Variants in EYA3 observed in about 807,000 individuals in gnomAD.
The protein encoded by EYA3 is EYA transcriptional coactivator and phosphatase 3, also known as protein phosphatase EYA3.
In EYA3, 39 loss-of-function variants were observed where a neutral mutation model predicts 80.0. The observed-to-expected ratio is 0.49, with a 90% CI of 0.38 to 0.64. The LOEUF (loss-of-function observed/expected upper bound fraction) is 0.64. Ranked by LOEUF, EYA3 falls within the 30% of genes least tolerant of loss-of-function variation. The probability of loss-of-function intolerance (pLI) is 0.00; values close to 1 mark genes in which losing one functional copy is unlikely to be tolerated. For missense variants in EYA3, 523 were observed against 676.1 expected, an observed-to-expected ratio of 0.77 and a Z score of 2.51; for synonymous variants, 206 against 232.8, an observed-to-expected ratio of 0.88 and a Z score of 1.05.
At chr1:28,003,759 C>T (rs1641067471) in intron 11 of EYA3, among the ~76,000 whole-genome samples, 1 of 151,998 alleles carries the variant, frequency 6.6e-6, no homozygotes, top group Non-Finnish European at 1.5e-5. Flanking sequence ...AAAACATGAG[C>T]TTGGAGGTAA....
chr1:28,071,570 TAACTC>T (rs1011151181), intron 1 of EYA3, among the ~76,000 whole-genome samples: 2 of 152,242 alleles, frequency 1.3e-5, no homozygotes, highest in African/African-American at 4.8e-5. Flanking sequence ...GTGACTTTTC[TAACTC>T]AACAATTACT....
At chr1:28,011,240 A>G (rs1428060356) in intron 9 of EYA3, among the ~76,000 whole-genome samples, 154 bp from the exon 10 acceptor site, 2 of 152,216 alleles carry the variant, frequency 1.3e-5, no homozygotes, top group Admixed American at 1.3e-4. Context: ...TGAAGTGTAC[A>G]TCTAGGCATT....
At chr1:28,007,643 T>G (rs1220776334) in intron 10 of EYA3, among the ~76,000 whole-genome samples, 1 of 152,170 alleles carries the variant, frequency 6.6e-6, no homozygotes, top group Non-Finnish European at 1.5e-5. Flanking sequence ...ATCAGCTGTA[T>G]TTCTATATAC....
At chr1:28,053,941 G>C (rs1285278871) in intron 2 of EYA3, among the ~76,000 whole-genome samples, 1 of 152,156 alleles carries the variant, frequency 6.6e-6, no homozygotes, top group African/African-American at 2.4e-5. Flanking sequence ...AGAGGCAAAA[G>C]CATGCTAGTG....
chr1:28,086,721 C>T (rs894892658), intron 1 of EYA3, among the ~76,000 whole-genome samples: 3 of 152,134 alleles, frequency 2.0e-5, no homozygotes, highest in African/African-American at 7.2e-5. Context: ...GTAAGCCATA[C>T]ACATTGGGGT....
intron 5 of EYA3, 92 bp downstream of exon 5, chr1:28,038,747 A>G (rs1052844969): frequency 1.5e-6 from 1 of 657,394 alleles, no homozygotes. Flanking sequence ...AATAATTTAA[A>G]TATCTATTAT....
intron 14 of EYA3, among the ~76,000 whole-genome samples, chr1:27,992,815 G>A (rs1640166610): frequency 1.3e-5 from 2 of 152,160 alleles, no homozygotes; most frequent in African/African-American, 4.8e-5. Flanking sequence ...ACTGTAAAAT[G>A]AGGAATTCAG....
At chr1:28,058,138 G>A (rs1270086226) in intron 1 of EYA3, 44 bp from the exon 2 acceptor site, 14 of 747,400 alleles carry the variant, frequency 1.9e-5, no homozygotes, top group Non-Finnish European at 2.7e-5. Flanking sequence ...CACTCTTAAA[G>A]TATTATCATT....
At chr1:28,031,694 A>G (rs1643147305) in intron 6 of EYA3, among the ~76,000 whole-genome samples, 1 of 152,208 alleles carries the variant, frequency 6.6e-6, no homozygotes, top group Non-Finnish European at 1.5e-5. Context: ...AAAGCACATG[A>G]AAGGATATTT....
At chr1:27,998,046 G>C (rs574936160) in intron 12 of EYA3, among the ~76,000 whole-genome samples, 1 of 152,180 alleles carries the variant, frequency 6.6e-6, no homozygotes, top group South Asian at 2.1e-4. Flanking sequence ...TTTCCACCAA[G>C]CCCATGCTAC....
chr1:27,994,266 T>G (rs1371596206), intron 13 of EYA3, among the ~76,000 whole-genome samples: 1 of 152,168 alleles, frequency 6.6e-6, no homozygotes, highest in Non-Finnish European at 1.5e-5. Context: ...TGGAGAGGTA[T>G]GTGTAATGAG....
At chr1:28,019,483 G>C (rs1642284139) in intron 7 of EYA3, among the ~76,000 whole-genome samples, 1 of 152,122 alleles carries the variant, frequency 6.6e-6, no homozygotes, top group Non-Finnish European at 1.5e-5. Flanking sequence ...AAAGAATTTT[G>C]AATGGTTTCC....
In EYA3 at chr1:28,017,248, T is replaced by C. The variant is rs1350293337; in HGVS notation, c.500-9A>G. On this transcript the variant is annotated splice_polypyrimidine_tract_variant and intron_variant, in intron 7 of 17. Transcript: ENST00000373871. Reference sequence around the variant, plus strand: ...GGCATTTGTGCTTGAAGCTAGAGGATTGATGGGGTTAAAAGATATTAAAGA... The same window carrying C: ...GGCATTTGTGCTTGAAGCTAGAGGACTGATGGGGTTAAAAGATATTAAAGA... 6.9e-6 allele frequency: 11 copies of C among 1,598,700 alleles called. No individual in the cohort carries two copies. The highest frequency in any genetic ancestry group is 2.2e-5 in the South Asian group (2 of 90,704).
chr1:28,057,215 C>T (rs1644466800), intron 2 of EYA3, among the ~76,000 whole-genome samples: 1 of 152,008 alleles, frequency 6.6e-6, no homozygotes. Context: ...ACAACTAGAA[C>T]ACGAAAAACA....
At chr1:27,985,534 GACCCC>G (rs1639592651) in intron 16 of EYA3, among the ~76,000 whole-genome samples, 1 of 152,020 alleles carries the variant, frequency 6.6e-6, no homozygotes, top group Non-Finnish European at 1.5e-5. Context: ...AACATTAGAG[GACCCC>G]AGGGCGTAGT....
At chr1:28,006,283 T>C (rs1159639165) in intron 10 of EYA3, among the ~76,000 whole-genome samples, 3 of 152,126 alleles carry the variant, frequency 2.0e-5, no homozygotes, top group African/African-American at 4.8e-5. Flanking sequence ...AAAAGCTACA[T>C]GATAATCTCA....
intron 7 of EYA3, 28 bp from the exon 8 acceptor site, chr1:28,017,267 T>G: frequency 1.3e-6 from 2 of 1,509,708 alleles, no homozygotes; most frequent in Non-Finnish European, 1.8e-6. Flanking sequence ...TTAAAAGATA[T>G]TAAAGATATT....
At chr1:28,001,452 T>C (rs1222811247) in intron 11 of EYA3, among the ~76,000 whole-genome samples, 2 of 144,634 alleles carry the variant, frequency 1.4e-5, no homozygotes, top group East Asian at 2.0e-4. Context: ...TATGTAAATA[T>C]ATAAAATTTT....
intron 10 of EYA3, 176 bp downstream of exon 10, chr1:28,010,771 A>G: frequency 3.1e-6 from 2 of 647,130 alleles, no homozygotes; most frequent in Non-Finnish European, 5.1e-6. Context: ...AATATACAGA[A>G]TAATTTGTTC....
Sources: allele counts gnomAD v4.1 joint callset (sites outside exome capture counted in the v4.1 genomes callset), GRCh38; gene constraint gnomAD v4.1.1; transcripts MANE v1.5; gene names NCBI Gene and HGNC (gene_info 2026-07-23, HGNC 2026-07-21).